The following ZC4H2 variants were observed in gnomAD, a reference collection of about 807,000 sequenced individuals.
ZC4H2 encodes the protein zinc finger C4H2-type containing.
For synonymous variants in ZC4H2, 84 were observed against 66.3 expected (o/e 1.27, Z -1.30); for missense variants, 137 against 173.9 (o/e 0.79, Z 1.19).
rs57144203 is a variant in ZC4H2 at position 64,997,053 on chromosome X, T to C, written c.-272+37576A>G. Among the ~76,000 whole-genome samples the C allele has an allele frequency of 1.9e-3, 218 of 112,022 alleles. 4 individuals carry two copies. The East Asian group carries it at 0.038, about 19-fold the overall frequency. On this transcript the variant is annotated intron_variant, in intron 1 of 4. Coordinates refer to the ZC4H2 transcript ENST00000337990. The stretch of plus-strand genomic sequence containing the variant: ...TGATACAAACTGACACATACTGTAA[T>C]CAAATTGTTGAAAGCCAAAGACAAA...
chrX:64,966,031 A>T (rs1174951355), intron 1 of ZC4H2, among the ~76,000 whole-genome samples: 1 of 111,060 alleles, frequency 9.0e-6, no homozygotes, highest in Non-Finnish European at 1.9e-5. Flanking sequence ...GACTGGGAGA[A>T]CATGTTTGCA....
rs777637690 is a variant in ZC4H2 at position 64,989,262 on chromosome X, A to G, written c.-272+45367T>C. On this transcript the variant is annotated intron_variant, in intron 1 of 4. Transcript: ENST00000337990. ...TTTTTCCAATTCTGTGAAGAAAGTC[A>G]TTGGTAGCTTGATGGGGATGGCAAT... Among the ~76,000 whole-genome samples, 4 of 112,050 alleles carry G rather than the reference A, an allele frequency of 3.6e-5. No homozygotes were observed. The South Asian group carries it at 1.5e-3, about 42-fold the overall frequency.
At chrX:65,019,523 A>G (rs1034960192) in intron 1 of ZC4H2, among the ~76,000 whole-genome samples, 1 of 112,149 alleles carries the variant, frequency 8.9e-6, no homozygotes, top group Non-Finnish European at 1.9e-5. Flanking sequence ...TCAGAGACCC[A>G]ATCCAAAGGT....
intron 1 of ZC4H2, among the ~76,000 whole-genome samples, chrX:64,945,771 C>T (rs1185385000): frequency 2.7e-5 from 3 of 111,290 alleles, no homozygotes; most frequent in Non-Finnish European, 3.8e-5. Flanking sequence ...TCCCGAGACG[C>T]CCTGCCCAGG....
rs766554066 is a variant in ZC4H2, at chrX:64,969,230, A to G, written c.53+7095T>C. 4.2e-3 allele frequency among the ~76,000 whole-genome samples: 474 copies of G among 112,170 alleles called. 3 individuals carry two copies. Among genetic ancestry groups the G allele is most frequent in the Non-Finnish European group, 6.2e-3 (331 of 53,186 alleles). ...CCTGAGCCAAGACTATAAAACATTC[A>G]GCTGGATACCTTCTTTTCAATGATT... On this transcript the variant is annotated intron_variant, in intron 1 of 4. Transcript: ENST00000374839.
intron 1 of ZC4H2, among the ~76,000 whole-genome samples, chrX:64,973,313 C>T (rs970417655): frequency 9.1e-6 from 1 of 109,449 alleles, no homozygotes; most frequent in Admixed American, 9.9e-5. Context: ...GTTTTGAGTA[C>T]ATTTCTTTGT....
At chrX:64,962,033 GA>G (rs1342049766) in intron 1 of ZC4H2, among the ~76,000 whole-genome samples, 1 of 111,441 alleles carries the variant, frequency 9.0e-6, no homozygotes, top group Non-Finnish European at 1.9e-5. Context: ...CCAAAAAAGT[GA>G]AGAGGCGACA....
chrX:64,980,910 A>G (rs1288835131), upstream of ZC4H2, among the ~76,000 whole-genome samples: 2 of 111,096 alleles, frequency 1.8e-5, no homozygotes, highest in Non-Finnish European at 3.8e-5. Flanking sequence ...ATAAGCCCAT[A>G]AGACACTAAT....
intron 1 of ZC4H2, among the ~76,000 whole-genome samples, chrX:64,949,966 C>T (rs745384837): frequency 3.9e-4 from 44 of 112,072 alleles, no homozygotes; most frequent in African/African-American, 1.3e-3. Flanking sequence ...ATCTTTCCTA[C>T]TTTCTCTTGT....
In ZC4H2 at chrX:65,033,854, G is replaced by A. The variant is rs372145385; in HGVS notation, c.-272+775C>T. Among the ~76,000 whole-genome samples, 5 of 111,013 alleles carry A rather than the reference G, an allele frequency of 4.5e-5. No individual in the cohort carries two copies. The South Asian group carries it at 1.1e-3, about 25-fold the overall frequency. ...CTGTAATCCCAGCTCTTCGGGAGGC[G>A]GAGGCGGGCGGATCACTTGAGGTCA... On this transcript the variant is annotated intron_variant, in intron 1 of 4. Transcript: ENST00000337990.
At chrX:64,977,549 G>A (rs1006275937), upstream of ZC4H2, among the ~76,000 whole-genome samples, 3 of 111,819 alleles carry the variant, frequency 2.7e-5, no homozygotes, top group Admixed American at 9.4e-5. Context: ...CCAAGCTGGC[G>A]TGTAATGGCA....
intron 1 of ZC4H2, among the ~76,000 whole-genome samples, chrX:64,927,001 T>C (rs1270426101): frequency 2.7e-5 from 3 of 111,860 alleles, no homozygotes; most frequent in Non-Finnish European, 3.8e-5. Flanking sequence ...ATATTCTAGA[T>C]TTGAGTATTT....
At chrX:65,002,832 G>A (rs1184422791) in intron 1 of ZC4H2, among the ~76,000 whole-genome samples, 2 of 109,460 alleles carry the variant, frequency 1.8e-5, no homozygotes, top group Non-Finnish European at 3.8e-5. Flanking sequence ...TGCAAGATGT[G>A]CTTTGTTAAA....
intron 1 of ZC4H2, among the ~76,000 whole-genome samples, chrX:64,954,785 A>C (rs995943875): frequency 9.0e-6 from 1 of 110,946 alleles, no homozygotes; most frequent in African/African-American, 3.3e-5. Flanking sequence ...TAGAACAGAA[A>C]GTTATGGAAT....
At chrX:64,977,623 C>G (rs1016184659), upstream of ZC4H2, among the ~76,000 whole-genome samples, 5 of 111,011 alleles carry the variant, frequency 4.5e-5, no homozygotes, top group Non-Finnish European at 9.4e-5. Context: ...CTCAGCCTCC[C>G]GAGTAACTGG....
At chrX:64,973,282 T>C (rs1472827444) in intron 1 of ZC4H2, among the ~76,000 whole-genome samples, 1 of 110,904 alleles carries the variant, frequency 9.0e-6, no homozygotes, top group African/African-American at 3.3e-5. Flanking sequence ...TTTTAAAAAT[T>C]CATATTGATT....
intron 1 of ZC4H2, among the ~76,000 whole-genome samples, chrX:64,962,696 T>G (rs1237120757): frequency 8.9e-6 from 1 of 111,750 alleles, no homozygotes; most frequent in African/African-American, 3.2e-5. Flanking sequence ...TTCAGTAAAG[T>G]TACAAGATGC....
At chrX:64,959,018 C>T (rs1931275863) in intron 1 of ZC4H2, among the ~76,000 whole-genome samples, 1 of 111,297 alleles carries the variant, frequency 9.0e-6, no homozygotes, top group Admixed American at 9.6e-5. Context: ...ATTACCCCAT[C>T]CCTTTTGCAG....
At chrX:64,922,250 AAAAAAAAAAGAAAAAGAAAAAAG>A in intron 1 of ZC4H2, 1 of 329,418 alleles carries the variant, frequency 3.0e-6, no homozygotes, top group Non-Finnish European at 4.6e-6. Context: ...ATATCTACAA[AAAAAAAAAAGAAAAAGAAAAAAG>A]AAAAAAAAAA....
Sources: gnomAD v4.1 joint callset for allele counts (sites outside exome capture counted in the v4.1 genomes callset) on GRCh38, gnomAD v4.1.1 for gene constraint, MANE v1.5 for transcripts, NCBI Gene and HGNC (gene_info 2026-07-23, HGNC 2026-07-21) for gene names.